Variants in OXR1 observed in about 807,000 individuals in gnomAD.
The protein encoded by OXR1 is oxidation resistance 1, also known as oxidation resistance protein 1.
OXR1 carries 41 observed loss-of-function variants against 104.6 expected under a neutral mutation model. That is an observed-to-expected ratio of 0.39 (90% CI 0.31 to 0.51). The LOEUF is 0.51. Ranked by LOEUF, OXR1 falls within the 20% of genes least tolerant of loss-of-function variation. The pLI, the probability that OXR1 is intolerant of heterozygous loss-of-function variation, is 0.77. For synonymous variants in OXR1, 348 were observed against 348.4 expected (o/e 1.00, Z 0.01); for missense variants, 955 against 1,031.9 (o/e 0.93, Z 1.02).
intron 3 of OXR1, among the ~76,000 whole-genome samples, chr8:106,598,264 T>C (rs939375681): frequency 2.0e-5 from 3 of 152,176 alleles, no homozygotes; most frequent in Non-Finnish European, 2.9e-5. Context: ...GATGAGAGAT[T>C]AGTGGCTTAA....
chr8:106,634,842 A>G (rs2130910052), intron 3 of OXR1, among the ~76,000 whole-genome samples: 1 of 152,194 alleles, frequency 6.6e-6, no homozygotes, highest in East Asian at 1.9e-4. Context: ...CATGCAAAAA[A>G]AAAAAAAAGG....
intron 3 of OXR1, among the ~76,000 whole-genome samples, chr8:106,541,492 T>C (rs1255112691): frequency 6.6e-6 from 1 of 152,184 alleles, no homozygotes; most frequent in South Asian, 2.1e-4. Context: ...GGTGAAGAAA[T>C]GAAAGAACGA....
rs942611634 is a variant in OXR1, at chr8:106,558,712, C to T, written c.220+39573C>T. ...AGGAACAACCTTATTGCAAGACAAC[C>T]GAAAATCTTTTCCAAAATCATAAGA... On this transcript the variant is annotated intron_variant, in intron 3 of 16. Transcript: ENST00000517566. 1.1e-4 allele frequency among the ~76,000 whole-genome samples: 16 copies of T among 152,160 alleles called. No individual in the cohort carries two copies. The South Asian group carries it at 1.9e-3, about 18-fold the overall frequency.
intron 3 of OXR1, among the ~76,000 whole-genome samples, chr8:106,588,494 C>CT (rs55837142): frequency 0.36 from 51,969 of 144,936 alleles, 9,565 homozygotes; most frequent in African/African-American, 0.48. Context: ...TTCTCATTTA[C>CT]TTTTTTTTTT....
intron 1 of OXR1, among the ~76,000 whole-genome samples, chr8:106,327,573 G>C (rs1030767091): frequency 6.6e-6 from 1 of 152,036 alleles, no homozygotes; most frequent in African/African-American, 2.4e-5. Context: ...ATTGTAATGC[G>C]TCTTGCTAAA....
At chr8:106,575,985 AACACACACACACACAC>A (rs35038334) in intron 3 of OXR1, among the ~76,000 whole-genome samples, 1 of 144,296 alleles carries the variant, frequency 6.9e-6, no homozygotes, top group Non-Finnish European at 1.5e-5. Context: ...AAATGTTTAT[AACACACACACACACAC>A]ACACACACAC....
At chr8:106,367,239 T>A (rs575972553) in intron 2 of OXR1, among the ~76,000 whole-genome samples, 1 of 151,532 alleles carries the variant, frequency 6.6e-6, no homozygotes, top group Non-Finnish European at 1.5e-5. Context: ...TTTTTTTGTA[T>A]TTTTTAGTAG....
intron 2 of OXR1, among the ~76,000 whole-genome samples, chr8:106,383,160 G>T (rs2130418748): frequency 6.6e-6 from 1 of 152,082 alleles, no homozygotes; most frequent in East Asian, 1.9e-4. Flanking sequence ...AATAATAAAT[G>T]ATCATGAAGG....
At chr8:106,725,247 A>T (rs910560661) in intron 11 of OXR1, among the ~76,000 whole-genome samples, 8 of 151,706 alleles carry the variant, frequency 5.3e-5, no homozygotes, top group African/African-American at 1.9e-4. Flanking sequence ...AATGTGGAGG[A>T]AGGAGATGGG....
At chr8:106,291,184 T>C (rs537345365) in intron 1 of OXR1, among the ~76,000 whole-genome samples, 1 of 152,256 alleles carries the variant, frequency 6.6e-6, no homozygotes, top group South Asian at 2.1e-4. Flanking sequence ...AGTGAATGAA[T>C]GTAGAAGACC....
At chr8:106,557,563 A>T (rs1205157618) in intron 3 of OXR1, among the ~76,000 whole-genome samples, 5 of 150,354 alleles carry the variant, frequency 3.3e-5, no homozygotes, top group Admixed American at 6.7e-5. Flanking sequence ...TTTTTTTTTT[A>T]AATTAGGAAT....
intron 3 of OXR1, among the ~76,000 whole-genome samples, chr8:106,640,700 C>T (rs1823558689): frequency 6.6e-6 from 1 of 152,002 alleles, no homozygotes; most frequent in Non-Finnish European, 1.5e-5. Flanking sequence ...TTTAGAAATA[C>T]CCTAAACTGA....
intron 2 of OXR1, among the ~76,000 whole-genome samples, chr8:106,419,347 T>C (rs754752752): frequency 6.6e-6 from 1 of 152,144 alleles, no homozygotes; most frequent in African/African-American, 2.4e-5. Context: ...ATAAAGAACT[T>C]TGAAGCACAG....
intron 2 of OXR1, among the ~76,000 whole-genome samples, chr8:106,371,728 T>A (rs1207312377): frequency 6.6e-6 from 1 of 152,144 alleles, no homozygotes; most frequent in African/African-American, 2.4e-5. Flanking sequence ...TGATACTGAG[T>A]TCTACTTTGA....
intron 3 of OXR1, among the ~76,000 whole-genome samples, chr8:106,649,177 C>A (rs1586963532): frequency 6.6e-6 from 1 of 152,166 alleles, no homozygotes; most frequent in East Asian, 1.9e-4. Context: ...TGCATGCCAG[C>A]CTGGACAACA....
intron 3 of OXR1, among the ~76,000 whole-genome samples, chr8:106,600,572 T>A (rs1325356031): frequency 6.6e-6 from 1 of 152,228 alleles, no homozygotes; most frequent in East Asian, 1.9e-4. Context: ...TTAGTGAGTT[T>A]TAACAGTAGA....
At chr8:106,511,829 G>T (rs1812552380) in intron 2 of OXR1, among the ~76,000 whole-genome samples, 1 of 152,054 alleles carries the variant, frequency 6.6e-6, no homozygotes, top group Non-Finnish European at 1.5e-5. Context: ...GTGGCCTTTG[G>T]TTCAAAATGC....
chr8:106,465,488 G>T (rs2130660743), intron 2 of OXR1, among the ~76,000 whole-genome samples: 1 of 152,104 alleles, frequency 6.6e-6, no homozygotes, highest in East Asian at 1.9e-4. Flanking sequence ...ATGTTAACAT[G>T]ATCATTTTAG....
chr8:106,710,779 G>T lies in OXR1; in HGVS notation c.1782G>T (p.Val594=), dbSNP rs747754461. The T allele has an allele frequency of 1.3e-6, 2 of 1,507,430 alleles. No homozygotes were observed. Among genetic ancestry groups the T allele is most frequent in the South Asian group, 2.7e-5 (2 of 73,844 alleles). The allele number at this position is 1,507,430 out of a possible 1,614,324, so 93.4% of individuals were successfully genotyped here. Residue 594 remains valine (V), a synonymous_variant, in exon 10 of 17, where the codon GTG becomes GTT. Transcript: ENST00000517566. ...AGAAACATGAATATTGGTTTGCTGTGCCACAAGAAAGGTAAAAAACCCATA... is the reference window on the plus strand; with the variant it reads ...AGAAACATGAATATTGGTTTGCTGTTCCACAAGAAAGGTAAAAAACCCATA... ...RDKKHEYWFA[V]PQERTDHLYA...
Sources: gnomAD v4.1 joint callset for allele counts (sites outside exome capture counted in the v4.1 genomes callset) on GRCh38, gnomAD v4.1.1 for gene constraint, MANE v1.5 for transcripts, NCBI Gene and HGNC (gene_info 2026-07-23, HGNC 2026-07-21) for gene names.